The following SLC6A3 variants were observed in gnomAD, a reference collection of about 807,000 sequenced individuals.
The protein encoded by SLC6A3 is solute carrier family 6 member 3, also known as sodium-dependent dopamine transporter.
In SLC6A3, 19 loss-of-function variants were observed where a neutral mutation model predicts 70.4. That is an observed-to-expected ratio of 0.27 (90% confidence interval 0.19 to 0.40). SLC6A3 has a LOEUF of 0.40. Ranked by LOEUF, SLC6A3 falls within the 10% of genes least tolerant of loss-of-function variation. The pLI is 1.00. For synonymous variants in SLC6A3, 368 were observed against 356.6 expected (o/e 1.03, Z -0.36); for missense variants, 613 against 838.5 (o/e 0.73, Z 3.32).
At chr5:1,416,359 G>C (rs1420502237) in intron 6 of SLC6A3, 158 bp from the exon 7 acceptor site, 4 of 686,230 alleles carry the variant, frequency 5.8e-6, no homozygotes, top group Non-Finnish European at 1.1e-5. Flanking sequence ...GGAAGATGCA[G>C]CCTCAGGAAG....
rs750078703 is a variant in SLC6A3, at chr5:1,421,999, G to A, written c.669C>T (p.His223=). Residue 223 remains histidine, a synonymous_variant, in exon 5 of 15, where the codon CAC becomes CAT. Coordinates refer to ENST00000270349, the MANE Select transcript of SLC6A3 (RefSeq NM_001044.5). The surrounding 1 kb of genome is among the most constrained non-coding windows in gnomAD (Gnocchi z 7.2). ...AAEYFERGVL[H]LHQSHGIDDL... ...CGTCGATGCCATGGCTCTGGTGGAG[G>A]TGCAGCACGCCACGTCTGCAGAGGG... 1.9e-6 allele frequency: 3 copies of A among 1,612,332 alleles called. No homozygotes were observed. In the South Asian group the frequency reaches 3.3e-5, roughly 18 times the overall value.
intron 1 of SLC6A3, among the ~76,000 whole-genome samples, chr5:1,444,186 C>T (rs1182937749): frequency 1.3e-5 from 2 of 152,156 alleles, no homozygotes; most frequent in Non-Finnish European, 2.9e-5. Flanking sequence ...GGCTTCATCG[C>T]GGGAACTAGC....
intron 4 of SLC6A3, among the ~76,000 whole-genome samples, chr5:1,424,661 G>A (rs1175952451): frequency 6.6e-6 from 1 of 152,220 alleles, no homozygotes; most frequent in Admixed American, 6.5e-5. Context: ...AGAGGGGGAG[G>A]CCCAGGGAAA....
At chr5:1,430,593 C>T (rs1415731979) in intron 4 of SLC6A3, among the ~76,000 whole-genome samples, 4 of 152,250 alleles carry the variant, frequency 2.6e-5, no homozygotes, top group Non-Finnish European at 5.9e-5. Flanking sequence ...GGCTCCATCT[C>T]AGCCATCTCT....
chr5:1,416,172 G>A lies in SLC6A3; in HGVS notation c.957C>T (p.Cys319=). Residue 319 remains cysteine (C), a synonymous_variant, in exon 7 of 15, where the codon TGC becomes TGT. Transcript: ENST00000270349. The part of the protein sequence containing the change: ...SVWIDAATQV[C]FSLGVGFGVL... ...CCCCGAACCCCACGCCCAGGGAGAA[G>A]CACACCTGGGTGGCCGCGTCAATCC... is the stretch of plus-strand genomic sequence containing the variant. 6 of 1,613,800 alleles carry A rather than the reference G, an allele frequency of 3.7e-6. No individual in the cohort carries two copies. The highest frequency in any genetic ancestry group is 5.1e-6 in the Non-Finnish European group (6 of 1,179,946).
At position 1,401,314 on chromosome 5, in the gene SLC6A3, C is replaced by A. The variant is rs1190062482; in HGVS notation, c.1768-328G>T. 1 of 556,920 alleles carries A rather than the reference C, an allele frequency of 1.8e-6. No homozygotes were observed. The highest frequency in any genetic ancestry group is 3.4e-6 in the Non-Finnish European group (1 of 292,198). 34.5% of individuals were successfully genotyped at this position (556,920 alleles called of 1,614,324 possible). ...GGAGATGGCTCTTGAGTCTAAGCTACCACGTGTGCTGGGCTCTGAGTAAGA... is the reference window on the plus strand; with the variant it reads ...GGAGATGGCTCTTGAGTCTAAGCTAACACGTGTGCTGGGCTCTGAGTAAGA... On this transcript the variant is annotated intron_variant, in intron 13 of 14. Transcript: ENST00000270349. The surrounding 1 kb of genome is among the most constrained non-coding windows in gnomAD (Gnocchi z 6.1).
At chr5:1,422,411 C>G (rs747882837) in intron 4 of SLC6A3, among the ~76,000 whole-genome samples, 1 of 93,322 alleles carries the variant, frequency 1.1e-5, no homozygotes, top group East Asian at 4.1e-4. Context: ...CCGCTGCCCA[C>G]GGTGCTGCCC....
At position 1,436,836 on chromosome 5, in the gene SLC6A3, C is replaced by A. The variant is rs141569968; in HGVS notation, c.419-4138G>T. Among the ~76,000 whole-genome samples the A allele has an allele frequency of 4.0e-3, 607 of 152,316 alleles. 3 individuals carry two copies. The highest frequency in any genetic ancestry group is 0.014 in the African/African-American group (569 of 41,574). ...CTGAACACCAGTACACCCCAGGGCACCCACGAGAGCTGGCTTCAGGAGAGG... is the reference window on the plus strand; with the variant it reads ...CTGAACACCAGTACACCCCAGGGCAACCACGAGAGCTGGCTTCAGGAGAGG... On this transcript the variant is annotated intron_variant, in intron 3 of 14. Transcript: ENST00000270349. This position sits in a 1 kb window ranked among gnomAD's most constrained non-coding sequence, Gnocchi z 5.2.
intron 14 of SLC6A3, among the ~76,000 whole-genome samples, chr5:1,395,435 G>A (rs944055573): frequency 1.3e-5 from 2 of 152,216 alleles, no homozygotes; most frequent in African/African-American, 2.4e-5. Context: ...AGGGGCATGC[G>A]GGGCTTGCTT....
chr5:1,407,568 G>A (rs191278835), intron 11 of SLC6A3, among the ~76,000 whole-genome samples: 14 of 152,338 alleles, frequency 9.2e-5, no homozygotes, highest in Admixed American at 5.2e-4. Context: ...TGAGAGGGGC[G>A]TGGATTTCTC....
At position 1,443,163 on chromosome 5, in the gene SLC6A3, G is replaced by C. The variant is rs1560929056; in HGVS notation, c.35C>G (p.Ser12Cys). ...SKSKCSVGLM[S>C]SVVAPAKEPN... ...CTCCTTAGCCGGGGCCACCACGGAA[G>C]ACATGAGTCCCACGGAGCATTTGCT... Residue 12 changes from serine to cysteine, a missense_variant, in exon 2 of 15, where the codon TCT becomes TGT. Ser to Cys is a moderately radical substitution (Grantham distance 112). Around this residue, in one of 4 missense-constraint regions of SLC6A3, gnomAD observed 111 missense variants for 91.6 expected, o/e 1.21. Transcript: ENST00000270349. 5 of 1,614,154 alleles carry C rather than the reference G, an allele frequency of 3.1e-6. No homozygotes were observed. The African/African-American group carries it at 5.3e-5, about 17-fold the overall frequency.
chr5:1,397,185 A>ACCC lies in SLC6A3; in HGVS notation c.1840-2428_1840-2427insGGG, dbSNP rs1282199022. Among the ~76,000 whole-genome samples the ACCC allele has an allele frequency of 6.6e-6, 1 of 152,254 alleles. No homozygotes were observed. The highest frequency in any genetic ancestry group is 1.9e-4 in the East Asian group (1 of 5,198). ...GGAAAACACAGAAAGGCAGAAGGCA[A>ACCC]TCTTTCAGTGTGTGGCTGCAAAATT... On this transcript the variant is annotated intron_variant, in intron 14 of 14. Transcript: ENST00000270349. The surrounding 1 kb of genome is among the most constrained non-coding windows in gnomAD (Gnocchi z 4.7).
chr5:1,406,135 G>T lies in SLC6A3; in HGVS notation c.1599+53C>A. The T allele has an allele frequency of 1.5e-6, 2 of 1,339,908 alleles. No individual in the cohort carries two copies. Among genetic ancestry groups the T allele is most frequent in the Non-Finnish European group, 2.1e-6 (2 of 930,722 alleles). 83.0% of individuals were successfully genotyped at this position (1,339,908 alleles called of 1,614,324 possible). A position where few individuals can be genotyped will look rare whatever the true frequency, so the allele number is the denominator to read the frequency against. On this transcript the variant is annotated intron_variant, in intron 12 of 14. Coordinates refer to ENST00000270349, the MANE Select transcript of SLC6A3 (RefSeq NM_001044.5). This position sits in a 1 kb window ranked among gnomAD's most constrained non-coding sequence, Gnocchi z 8.8. ...GCGCTGGACCTCGGGGCAGGTGCCA[G>T]AGTGGGGGCAGTGGGCAGACGGGGG... is the stretch of plus-strand genomic sequence containing the variant.
chr5:1,435,133 C>A (rs554783079), intron 3 of SLC6A3, among the ~76,000 whole-genome samples: 113 of 152,270 alleles, frequency 7.4e-4, no homozygotes, highest in Admixed American at 1.9e-3. Flanking sequence ...TTTGGAAGGC[C>A]TTCTCCCACG....
At chr5:1,407,059 A>AT (rs899689619) in intron 11 of SLC6A3, among the ~76,000 whole-genome samples, 1 of 152,062 alleles carries the variant, frequency 6.6e-6, no homozygotes, top group Non-Finnish European at 1.5e-5. Context: ...CATAATAAAC[A>AT]TTTTTTCTCC....
rs1263811512 is a variant in SLC6A3 at position 1,404,033 on chromosome 5, A to G, written c.1600-944T>C. On this transcript the variant is annotated intron_variant, in intron 12 of 14. Coordinates refer to ENST00000270349, the MANE Select transcript of SLC6A3 (RefSeq NM_001044.5). This position sits in a 1 kb window ranked among gnomAD's most constrained non-coding sequence, Gnocchi z 5.2. Reference sequence around the variant, plus strand: ...GGACACAAGTGAAGCTCTGATAGATATGGTTTATGATGTAGCTTAAAATGC... The same window carrying G: ...GGACACAAGTGAAGCTCTGATAGATGTGGTTTATGATGTAGCTTAAAATGC... Among the ~76,000 whole-genome samples the G allele has an allele frequency of 1.3e-5, 2 of 152,260 alleles. No individual in the cohort carries two copies. Among genetic ancestry groups the G allele is most frequent in the Non-Finnish European group, 2.9e-5 (2 of 68,046 alleles).
chr5:1,411,076 C>T lies in SLC6A3; in HGVS notation c.1269+167G>A, dbSNP rs536340622. On this transcript the variant is annotated intron_variant, in intron 9 of 14. Coordinates refer to ENST00000270349, the MANE Select transcript of SLC6A3 (RefSeq NM_001044.5). This position sits in a 1 kb window ranked among gnomAD's most constrained non-coding sequence, Gnocchi z 6.5. Reference sequence around the variant, plus strand: ...CTCCAGTCACCACTCACTCCAGCCCCGAGAAAGGTCTCCCAAATAATCACG... The same window carrying T: ...CTCCAGTCACCACTCACTCCAGCCCTGAGAAAGGTCTCCCAAATAATCACG... Among the ~76,000 whole-genome samples, 18 of 152,226 alleles carry T rather than the reference C, an allele frequency of 1.2e-4. No homozygotes were observed. Among genetic ancestry groups the T allele is most frequent in the African/African-American group, 1.4e-4 (6 of 41,540 alleles).
At chr5:1,419,372 C>T (rs1756383278) in intron 6 of SLC6A3, among the ~76,000 whole-genome samples, 1 of 152,222 alleles carries the variant, frequency 6.6e-6, no homozygotes, top group Non-Finnish European at 1.5e-5. Flanking sequence ...TCCATCCAAT[C>T]TATTCACTGT....
chr5:1,441,717 C>T (rs150602339), intron 2 of SLC6A3, among the ~76,000 whole-genome samples: 14 of 152,286 alleles, frequency 9.2e-5, no homozygotes, highest in African/African-American at 3.1e-4. Context: ...TTGCGCACCT[C>T]GAGCCATGAA....
Sources: gnomAD v4.1 joint callset for allele counts (sites outside exome capture counted in the v4.1 genomes callset) on GRCh38, gnomAD v4.1.1 for gene constraint, gnomAD v4.1.1 regional missense constraint, Gnocchi (gnomAD v3.1) non-coding constraint, MANE v1.5 for transcripts, NCBI Gene and HGNC (gene_info 2026-07-23, HGNC 2026-07-21) for gene names.